The following F13A1 variants were observed in gnomAD, a reference collection of about 807,000 sequenced individuals.
F13A1 encodes the protein coagulation factor XIII A chain.
F13A1 carries 47 observed loss-of-function variants against 80.1 expected under a neutral mutation model. That is an observed-to-expected ratio of 0.59 (90% CI 0.46 to 0.75). The LOEUF is 0.75. Ranked by LOEUF, F13A1 falls within the 30% of genes least tolerant of loss-of-function variation. F13A1 has a pLI of 0.00. For synonymous variants in F13A1, 349 were observed against 344.9 expected, an observed-to-expected ratio of 1.01 and a Z score of -0.13; for missense variants, 817 against 930.4, an observed-to-expected ratio of 0.88 and a Z score of 1.59.
intron 3 of F13A1, among the ~76,000 whole-genome samples, chr6:6,286,477 C>A (rs1010489245): frequency 5.9e-5 from 9 of 152,228 alleles, no homozygotes; most frequent in African/African-American, 2.2e-4. Context: ...TATTTTCTTT[C>A]CTTTCATTCC....
chr6:6,319,431 A>G (rs2113208503), intron 1 of F13A1, among the ~76,000 whole-genome samples: 1 of 152,322 alleles, frequency 6.6e-6, no homozygotes, highest in African/African-American at 2.4e-5. Flanking sequence ...TTAAGAAGTC[A>G]GGGTTGCCAA....
intron 4 of F13A1, among the ~76,000 whole-genome samples, chr6:6,253,769 G>A (rs1239911573): frequency 6.6e-6 from 1 of 152,204 alleles, no homozygotes; most frequent in African/African-American, 2.4e-5. Flanking sequence ...ATATATGGAA[G>A]GAGCTAGATG....
chr6:6,246,746 T>G (rs1254067031), intron 6 of F13A1, among the ~76,000 whole-genome samples: 1 of 152,212 alleles, frequency 6.6e-6, no homozygotes, highest in Non-Finnish European at 1.5e-5. Context: ...TTGCACTGGC[T>G]TCTGCTAGGC....
intron 12 of F13A1, among the ~76,000 whole-genome samples, chr6:6,173,804 A>G (rs1760823698): frequency 6.6e-6 from 1 of 152,110 alleles, no homozygotes; most frequent in Admixed American, 6.5e-5. Context: ...GGCGAGAGGC[A>G]CCAGCAGAGG....
intron 11 of F13A1, among the ~76,000 whole-genome samples, chr6:6,176,602 A>G (rs1760886157): frequency 1.3e-5 from 2 of 152,228 alleles, no homozygotes; most frequent in South Asian, 2.1e-4. Context: ...TGCCAGGAAC[A>G]GTTGGTCTAG....
At chr6:6,229,483 A>C (rs1757320763) in intron 6 of F13A1, among the ~76,000 whole-genome samples, 1 of 152,252 alleles carries the variant, frequency 6.6e-6, no homozygotes, top group South Asian at 2.1e-4. Context: ...GTGATGAATT[A>C]TTTAGAGAGA....
At chr6:6,163,453 T>C (rs1216546513) in intron 13 of F13A1, among the ~76,000 whole-genome samples, 2 of 152,152 alleles carry the variant, frequency 1.3e-5, no homozygotes, top group African/African-American at 4.8e-5. Flanking sequence ...TAGTAGCCAT[T>C]AGTTATTTTT....
chr6:6,309,261 T>C (rs1298862962), intron 2 of F13A1, among the ~76,000 whole-genome samples: 1 of 151,108 alleles, frequency 6.6e-6, no homozygotes, highest in Admixed American at 6.9e-5. Flanking sequence ...TGCTAAAATG[T>C]GGACAGATAA....
chr6:6,146,283 T>C (rs1009823959), intron 14 of F13A1, among the ~76,000 whole-genome samples: 2 of 152,218 alleles, frequency 1.3e-5, no homozygotes, highest in South Asian at 2.1e-4. Flanking sequence ...ATCTGGAATA[T>C]AGCCCTGCCT....
At chr6:6,218,122 A>G (rs1388388979) in intron 8 of F13A1, among the ~76,000 whole-genome samples, 4 of 152,244 alleles carry the variant, frequency 2.6e-5, no homozygotes, top group Non-Finnish European at 5.9e-5. Flanking sequence ...TCTCTCCAGC[A>G]AAAGAACACA....
At chr6:6,315,416 T>C (rs1758664170) in intron 2 of F13A1, among the ~76,000 whole-genome samples, 1 of 142,400 alleles carries the variant, frequency 7.0e-6, no homozygotes, top group South Asian at 2.3e-4. Context: ...ACCTCTGGGA[T>C]TTCCGTGCCT....
intron 13 of F13A1, among the ~76,000 whole-genome samples, chr6:6,164,106 T>C (rs933082753): frequency 6.6e-6 from 1 of 151,828 alleles, no homozygotes; most frequent in Non-Finnish European, 1.5e-5. Context: ...AACTTGAACA[T>C]GTTTACAGGA....
intron 13 of F13A1, among the ~76,000 whole-genome samples, chr6:6,155,047 A>C (rs1760448486): frequency 6.6e-6 from 1 of 152,244 alleles, no homozygotes; most frequent in Non-Finnish European, 1.5e-5. Context: ...TGACAAATAC[A>C]AGATATATAC....
At chr6:6,228,209 CT>C (rs1411201171) in intron 6 of F13A1, among the ~76,000 whole-genome samples, 1 of 152,058 alleles carries the variant, frequency 6.6e-6, no homozygotes, top group Non-Finnish European at 1.5e-5. Context: ...TAAGGCTACA[CT>C]AAATTGCCCT....
At chr6:6,223,756 A>G (rs1757234006) in intron 7 of F13A1, among the ~76,000 whole-genome samples, 1 of 152,006 alleles carries the variant, frequency 6.6e-6, no homozygotes, top group Non-Finnish European at 1.5e-5. Flanking sequence ...AGGTTTTGTA[A>G]TCATTTTTTT....
chr6:6,235,415 T>C (rs1439178895), intron 6 of F13A1, among the ~76,000 whole-genome samples: 2 of 151,892 alleles, frequency 1.3e-5, no homozygotes, highest in Admixed American at 6.6e-5. Flanking sequence ...ATCCAGAATA[T>C]GTAAAGAACC....
rs569426970 is a variant in F13A1 at position 6,225,314 on chromosome 6, C to A, written c.799-454G>T. 8.1e-4 allele frequency among the ~76,000 whole-genome samples: 123 copies of A among 152,204 alleles called. 1 individual carries two copies. The highest frequency in any genetic ancestry group is 2.9e-3 in the African/African-American group (121 of 41,526). On this transcript the variant is annotated intron_variant, in intron 6 of 14. Coordinates refer to ENST00000264870, the MANE Select transcript of F13A1 (RefSeq NM_000129.4). ...AAATTAGTGGTCTAATGGATTTTGA[C>A]TTTCATTTTGAGTGGTAGACTCTAC...
intron 12 of F13A1, among the ~76,000 whole-genome samples, chr6:6,170,422 T>C (rs1760751842): frequency 6.6e-6 from 1 of 152,190 alleles, no homozygotes; most frequent in Admixed American, 6.5e-5. Flanking sequence ...TGAAATAGTA[T>C]GTTATGTAAG....
intron 3 of F13A1, among the ~76,000 whole-genome samples, chr6:6,296,611 T>G (rs1758332162): frequency 6.7e-6 from 1 of 150,180 alleles, no homozygotes; most frequent in Admixed American, 6.6e-5. Flanking sequence ...CCTGAGACTT[T>G]GCTGAAGTTG....
Sources: gnomAD v4.1 joint callset for allele counts (sites outside exome capture counted in the v4.1 genomes callset) on GRCh38, gnomAD v4.1.1 for gene constraint, MANE v1.5 for transcripts, NCBI Gene and HGNC (gene_info 2026-07-23, HGNC 2026-07-21) for gene names.